The following FUT8 variants were observed in gnomAD, a reference collection of about 807,000 sequenced individuals.
FUT8 encodes the protein alpha-(1,6)-fucosyltransferase.
In FUT8, 29 loss-of-function variants were observed where a neutral mutation model predicts 71.3. The ratio of observed to expected loss-of-function variants is 0.41; its 90% confidence interval spans 0.30 to 0.55. The LOEUF (loss-of-function observed/expected upper bound fraction) is 0.55, where lower values mean the gene tolerates loss of function less well. Ranked by LOEUF, FUT8 falls within the 20% of genes least tolerant of loss-of-function variation. FUT8 has a pLI of 0.34. For synonymous variants in FUT8, 254 were observed against 239.3 expected (o/e 1.06, Z -0.57); for missense variants, 544 against 702.1 (o/e 0.77, Z 2.55).
At chr14:65,415,185 G>A (rs2065200703) in intron 1 of FUT8, among the ~76,000 whole-genome samples, 1 of 152,092 alleles carries the variant, frequency 6.6e-6, no homozygotes, top group Non-Finnish European at 1.5e-5. Context: ...TCTGGAGGGG[G>A]AGCTAGTGCC....
intron 1 of FUT8, among the ~76,000 whole-genome samples, chr14:65,420,519 G>A (rs539046699): frequency 3.9e-5 from 6 of 152,078 alleles, no homozygotes; most frequent in African/African-American, 1.4e-4. Context: ...TAGGGATCAT[G>A]TGTTCATTTC....
At chr14:65,383,953 T>G in the FUT8 span, among the ~76,000 whole-genome samples, 6 of 147,552 alleles carry the variant, frequency 4.1e-5, no homozygotes, top group African/African-American at 1.5e-4. Flanking sequence ...AAAGGGGCCA[T>G]CAGTAGGAAA....
At chr14:65,384,199 G>A in the FUT8 span, among the ~76,000 whole-genome samples, 2 of 152,158 alleles carry the variant, frequency 1.3e-5, no homozygotes, top group African/African-American at 2.4e-5. The surrounding 1 kb of genome is among the most constrained non-coding windows in gnomAD (Gnocchi z 4.2). Flanking sequence ...GCAATTAATG[G>A]TGGAGAAATT....
In FUT8 at chr14:65,419,552, A is replaced by G. The variant is rs1279513050; in HGVS notation, c.-326+6338A>G. ...ACTGGTACCTGAAGGAGAAAAATAT[A>G]TAATAGAAGTTGTATTAGTTTTTAT... On this transcript the variant is annotated intron_variant, in intron 1 of 10. Transcript: ENST00000673929. Among the ~76,000 whole-genome samples, 3 of 152,232 alleles carry G rather than the reference A, an allele frequency of 2.0e-5. No homozygotes were observed. In the East Asian group the frequency reaches 5.8e-4, roughly 29 times the overall value.
intron 2 of FUT8, among the ~76,000 whole-genome samples, chr14:65,521,553 A>G (rs1396797523): frequency 1.3e-5 from 2 of 152,200 alleles, no homozygotes; most frequent in African/African-American, 2.4e-5. Flanking sequence ...TGATGCTCTG[A>G]ATTTGGTGAG....
Position 65,550,636 on chromosome 14 carries a change from A to T in FUT8, c.-227-10701A>T, listed in dbSNP as rs1885234576. Among the ~76,000 whole-genome samples the T allele has an allele frequency of 6.6e-6, 1 of 152,074 alleles. No homozygotes were observed. The highest frequency in any genetic ancestry group is 2.4e-5 in the African/African-American group (1 of 41,432). ...TTTGTTCTACAAGTTATACATTTTTATTGTAGTTTTCTTTTTTCAACATTT... is the reference window on the plus strand; with the variant it reads ...TTTGTTCTACAAGTTATACATTTTTTTTGTAGTTTTCTTTTTTCAACATTT... On this transcript the variant is annotated intron_variant, in intron 2 of 10. Coordinates refer to ENST00000673929, the MANE Select transcript of FUT8 (RefSeq NM_001371533.1). This position sits in a 1 kb window ranked among gnomAD's most constrained non-coding sequence, Gnocchi z 4.5.
At chr14:65,424,809 G>T (rs1011086218) in intron 1 of FUT8, among the ~76,000 whole-genome samples, 2 of 151,720 alleles carry the variant, frequency 1.3e-5, no homozygotes, top group African/African-American at 2.4e-5. Flanking sequence ...GCAGGTGCAT[G>T]CTACCATGCC....
the FUT8 span, among the ~76,000 whole-genome samples, chr14:65,393,282 C>T: frequency 6.6e-6 from 1 of 152,128 alleles, no homozygotes; most frequent in African/African-American, 2.4e-5. Flanking sequence ...AAATTTAGCC[C>T]TTTAATGCCA....
At chr14:65,655,436 G>A (rs1369810456) in intron 6 of FUT8, among the ~76,000 whole-genome samples, 7 of 146,630 alleles carry the variant, frequency 4.8e-5, no homozygotes, top group South Asian at 4.3e-4. Context: ...AGATCACGCC[G>A]CTGCACTTTA....
chr14:65,674,734 G>A (rs1892629392), intron 7 of FUT8, among the ~76,000 whole-genome samples: 1 of 152,134 alleles, frequency 6.6e-6, no homozygotes, highest in South Asian at 2.1e-4. Context: ...TAAGATAGAA[G>A]GTATACTCTT....
rs141597183 is a variant in FUT8 at position 65,693,790 on chromosome 14, G to A, written c.835+24310G>A. ...GCATCATTTGTTCCTTAAATGTTTA[G>A]TAGAATTCACCAGTGAAACTATCTG... On this transcript the variant is annotated intron_variant, in intron 7 of 10. Coordinates refer to ENST00000673929, the MANE Select transcript of FUT8 (RefSeq NM_001371533.1). Among the ~76,000 whole-genome samples, 54 of 152,314 alleles carry A rather than the reference G, an allele frequency of 3.5e-4. No individual in the cohort carries two copies. The East Asian group carries it at 9.8e-3, about 28-fold the overall frequency.
intron 5 of FUT8, among the ~76,000 whole-genome samples, chr14:65,620,179 T>A (rs911950221): frequency 4.0e-5 from 6 of 150,836 alleles, no homozygotes; most frequent in African/African-American, 1.5e-4. Flanking sequence ...TATTTTATTA[T>A]TTTTTTTACC....
intron 7 of FUT8, among the ~76,000 whole-genome samples, chr14:65,695,105 A>T (rs963078583): frequency 6.6e-6 from 1 of 152,142 alleles, no homozygotes; most frequent in Non-Finnish European, 1.5e-5. Context: ...AGCTTGGTGA[A>T]ATGTTCCCTG....
chr14:65,700,825 G>C (rs1446098919), intron 7 of FUT8, among the ~76,000 whole-genome samples: 1 of 152,096 alleles, frequency 6.6e-6, no homozygotes, highest in Non-Finnish European at 1.5e-5. Flanking sequence ...CATCTTTTTA[G>C]ATAGAAGAGA....
In FUT8 at chr14:65,602,357, A is replaced by T. The variant is rs954312942; in HGVS notation, c.204-13621A>T. 5.7e-4 allele frequency among the ~76,000 whole-genome samples: 37 copies of T among 65,452 alleles called. 2 individuals carry two copies. The highest frequency in any genetic ancestry group is 9.7e-4 in the Non-Finnish European group (26 of 26,776). 42.9% of individuals were successfully genotyped at this position (65,452 alleles called of 152,430 possible). A position where few individuals can be genotyped will look rare whatever the true frequency, so the allele number is the denominator to read the frequency against. ...CGTTCCATCTCTCACACACACACAC[A>T]CACACACACACACACACACACACAC... is the stretch of plus-strand genomic sequence containing the variant. On this transcript the variant is annotated intron_variant, in intron 3 of 10. Coordinates refer to ENST00000673929, the MANE Select transcript of FUT8 (RefSeq NM_001371533.1).
At chr14:65,528,964 A>C (rs1364112928) in intron 2 of FUT8, 1 of 154,356 alleles carries the variant, frequency 6.5e-6, no homozygotes, top group African/African-American at 2.4e-5. Flanking sequence ...TTAGACTTCT[A>C]GCTTCATGTG....
intron 6 of FUT8, among the ~76,000 whole-genome samples, chr14:65,664,138 T>C (rs1373082583): frequency 6.6e-6 from 1 of 152,248 alleles, no homozygotes; most frequent in East Asian, 1.9e-4. Flanking sequence ...TTCATTCATA[T>C]GAATTTTAGT....
At position 65,669,185 on chromosome 14, in the gene FUT8, A is replaced by T; in HGVS notation, c.598-58A>T. The T allele has an allele frequency of 2.5e-6, 3 of 1,195,810 alleles. No homozygotes were observed. The highest frequency in any genetic ancestry group is 3.6e-6 in the Non-Finnish European group (3 of 836,956). 74.1% of individuals were successfully genotyped at this position (1,195,810 alleles called of 1,614,324 possible). On this transcript the variant is annotated intron_variant, in intron 6 of 10. Transcript: ENST00000673929. The surrounding 1 kb of genome is among the most constrained non-coding windows in gnomAD (Gnocchi z 4.5). The stretch of plus-strand genomic sequence containing the variant: ...AGATGAAAGATTAAAAAAAAAAAAG[A>T]GCAGTTGACCTCTCTGTACAACTTA...
intron 2 of FUT8, among the ~76,000 whole-genome samples, chr14:65,480,008 A>C (rs534440649): frequency 3.3e-5 from 5 of 152,238 alleles, no homozygotes; most frequent in Admixed American, 1.3e-4. Flanking sequence ...ACTTCTTACT[A>C]TGATTGGTTC....
Sources: gnomAD v4.1 joint callset for allele counts (sites outside exome capture counted in the v4.1 genomes callset) on GRCh38, gnomAD v4.1.1 for gene constraint, Gnocchi (gnomAD v3.1) non-coding constraint, MANE v1.5 for transcripts, NCBI Gene and HGNC (gene_info 2026-07-23, HGNC 2026-07-21) for gene names.